The following KIAA1217 variants were observed in gnomAD, a reference collection of about 807,000 sequenced individuals.
KIAA1217 encodes the protein KIAA1217.
A neutral mutation model predicts 163.9 loss-of-function variants in KIAA1217; 88 were observed. That is an observed-to-expected ratio of 0.54 (90% confidence interval 0.45 to 0.64). KIAA1217 has a LOEUF of 0.64. Among genes scored for constraint, KIAA1217 ranks in the 30% least tolerant of loss-of-function variants. The probability of loss-of-function intolerance (pLI) is 0.00; values close to 1 mark genes in which losing one functional copy is unlikely to be tolerated. For synonymous variants in KIAA1217, 903 were observed against 923.1 expected (o/e 0.98, Z 0.39); for missense variants, 2,372 against 2,475.0 (o/e 0.96, Z 0.88).
chr10:24,148,485 G>A (rs2064444374), intron 2 of KIAA1217, among the ~76,000 whole-genome samples: 2 of 152,184 alleles, frequency 1.3e-5, no homozygotes, highest in African/African-American at 4.8e-5. Flanking sequence ...GGTCATGGGA[G>A]TGGATCCCTC....
At chr10:23,824,726 G>A (rs1837818079) in intron 1 of KIAA1217, among the ~76,000 whole-genome samples, 2 of 145,550 alleles carry the variant, frequency 1.4e-5, no homozygotes, top group Non-Finnish European at 3.0e-5. Context: ...AAGAAGGCAT[G>A]TGAAGAAGAA....
chr10:23,964,596 G>A (rs550079527), intron 1 of KIAA1217, among the ~76,000 whole-genome samples: 4 of 151,098 alleles, frequency 2.6e-5, no homozygotes, highest in South Asian at 2.1e-4. Context: ...TTGCTCTGTC[G>A]CCAGGCTGGA....
At chr10:24,464,405 C>T (rs959772931) in intron 5 of KIAA1217, among the ~76,000 whole-genome samples, 1 of 152,116 alleles carries the variant, frequency 6.6e-6, no homozygotes, top group Non-Finnish European at 1.5e-5. Flanking sequence ...CGCATTGAAC[C>T]GACCGACTCT....
At chr10:24,454,863 GAAA>G (rs3045779) in intron 5 of KIAA1217, among the ~76,000 whole-genome samples, 1 of 143,984 alleles carries the variant, frequency 6.9e-6, no homozygotes, top group East Asian at 2.0e-4. Flanking sequence ...TAACTGCAAG[GAAA>G]AAAAAAAAAA....
At chr10:24,156,323 G>A (rs1232913520) in intron 2 of KIAA1217, among the ~76,000 whole-genome samples, 1 of 152,060 alleles carries the variant, frequency 6.6e-6, no homozygotes. Context: ...CTGTTGAGTA[G>A]TAGCCTATTG....
chr10:24,129,210 G>A lies in KIAA1217; in HGVS notation c.-170-90416G>A, dbSNP rs1439201482. ...TTTTAATTTATACTTTCAATTATGT[G>A]CCTTACTGCAGTGTAATAGAGTCAT... On this transcript the variant is annotated intron_variant, in intron 2 of 18. Transcript: ENST00000376462. Among the ~76,000 whole-genome samples the A allele has an allele frequency of 2.6e-5, 4 of 152,274 alleles. No individual in the cohort carries two copies. The South Asian group carries it at 8.3e-4, about 32-fold the overall frequency.
intron 1 of KIAA1217, among the ~76,000 whole-genome samples, chr10:23,704,172 G>GTGTGTGTATATATATATATATA (rs1229370789): frequency 1.8e-4 from 7 of 39,942 alleles, no homozygotes; most frequent in Non-Finnish European, 2.5e-4. Context: ...GTGTGTGTGT[G>GTGTGTGTATATATATATATATA]TATATATATA....
In KIAA1217 at chr10:24,209,269, TA is replaced by T. The variant is rs1457952583; in HGVS notation, c.70+8del. On this transcript the variant is annotated splice_region_variant and intron_variant, in intron 1 of 20. Coordinates refer to ENST00000376454, the MANE Select transcript of KIAA1217 (RefSeq NM_019590.5). ...AGACAGAAGACAGATGCAGGGTAAG[TA>T]ACAGACCCATTCAAAGATGGAGTTA... 1.9e-6 allele frequency: 3 copies of T among 1,608,742 alleles called. No homozygotes were observed. Among genetic ancestry groups the T allele is most frequent in the Non-Finnish European group, 1.7e-6 (2 of 1,176,536 alleles).
intron 2 of KIAA1217, among the ~76,000 whole-genome samples, chr10:24,221,901 G>T (rs991875713): frequency 6.6e-6 from 1 of 152,106 alleles, no homozygotes; most frequent in Non-Finnish European, 1.5e-5. Flanking sequence ...ACTGGGTGTG[G>T]TGGCACACAC....
At chr10:24,149,436 A>G (rs7100641) in intron 2 of KIAA1217, among the ~76,000 whole-genome samples, 72,410 of 151,618 alleles carry the variant, frequency 0.48, 18,733 homozygotes, top group African/African-American at 0.69. Flanking sequence ...TGCCCACCTC[A>G]GCCTCCCAAA....
intron 1 of KIAA1217, among the ~76,000 whole-genome samples, chr10:23,859,037 T>C (rs541167497): frequency 5.9e-5 from 9 of 152,368 alleles, no homozygotes; most frequent in African/African-American, 1.9e-4. Context: ...ACAAAGACCC[T>C]GACTACCGTC....
Position 24,294,833 on chromosome 10 carries a change from G to A in KIAA1217, c.354+74924G>A, listed in dbSNP as rs148734550. On this transcript the variant is annotated intron_variant, in intron 2 of 20. Transcript: ENST00000376454. ...AGGACCTGAAAGGCAAGTGCAATTCGGTCACTGTCCACATTGCCAGGGTGT... is the reference window on the plus strand; with the variant it reads ...AGGACCTGAAAGGCAAGTGCAATTCAGTCACTGTCCACATTGCCAGGGTGT... Among the ~76,000 whole-genome samples, 509 of 152,232 alleles carry A rather than the reference G, an allele frequency of 3.3e-3. 9 individuals are homozygous for A. Among genetic ancestry groups the A allele is most frequent in the Admixed American group, 0.024 (366 of 15,296 alleles).
At chr10:24,536,917 C>T in intron 17 of KIAA1217, 24 bp downstream of exon 17, 1 of 1,612,628 alleles carries the variant, frequency 6.2e-7, no homozygotes, top group Non-Finnish European at 8.5e-7. Context: ...TGCACATTTG[C>T]CACACGGTTG....
chr10:24,256,520 A>T (rs1338769417), intron 2 of KIAA1217, among the ~76,000 whole-genome samples: 2 of 152,110 alleles, frequency 1.3e-5, no homozygotes, highest in Non-Finnish European at 2.9e-5. Context: ...CTAAATTAAG[A>T]TGTCCTGAAA....
intron 1 of KIAA1217, among the ~76,000 whole-genome samples, chr10:23,921,361 G>A (rs2131292252): frequency 6.6e-6 from 1 of 152,304 alleles, no homozygotes; most frequent in East Asian, 1.9e-4. Context: ...GATCCAGTGA[G>A]AAGATTCCAT....
chr10:24,342,320 CAGAA>C (rs2047192186), intron 2 of KIAA1217, among the ~76,000 whole-genome samples: 1 of 152,188 alleles, frequency 6.6e-6, no homozygotes, highest in African/African-American at 2.4e-5. Flanking sequence ...CAGCTGACAG[CAGAA>C]ACAGGACTGA....
chr10:23,906,122 C>T (rs1589050775), intron 1 of KIAA1217, among the ~76,000 whole-genome samples: 1 of 151,996 alleles, frequency 6.6e-6, no homozygotes, highest in Non-Finnish European at 1.5e-5. Context: ...TAATCATATC[C>T]ATGAGGGCAG....
At chr10:24,404,208 G>A (rs111381816) in intron 3 of KIAA1217, among the ~76,000 whole-genome samples, 3 of 152,252 alleles carry the variant, frequency 2.0e-5, no homozygotes, top group East Asian at 3.9e-4. Flanking sequence ...GGAGCCTCCC[G>A]CTTTGGCCTC....
In KIAA1217 at chr10:24,001,454, A is replaced by G. The variant is rs140592813; in HGVS notation, c.-320-5771A>G. On this transcript the variant is annotated intron_variant, in intron 1 of 18. Transcript: ENST00000376462. ...TAAACAAGTATTTAAGTGACATAAG[A>G]TATGCTATAATAAGAGATACATGAA... 1.6e-3 allele frequency among the ~76,000 whole-genome samples: 246 copies of G among 152,344 alleles called. 1 individual carries two copies. The highest frequency in any genetic ancestry group is 5.6e-3 in the African/African-American group (233 of 41,582).
Sources: gnomAD v4.1 joint callset for allele counts (sites outside exome capture counted in the v4.1 genomes callset) on GRCh38, gnomAD v4.1.1 for gene constraint, MANE v1.5 for transcripts, NCBI Gene and HGNC (gene_info 2026-07-23, HGNC 2026-07-21) for gene names.